Variants in SLC12A1 observed in about 807,000 individuals in gnomAD.
SLC12A1 encodes solute carrier family 12 member 1, also known as Na-K-2Cl cotransporter.
SLC12A1 carries 89 observed loss-of-function variants against 130.4 expected under a neutral mutation model. The observed-to-expected ratio is 0.68, with a 90% CI of 0.58 to 0.81. SLC12A1 has a LOEUF of 0.81. Among genes scored for constraint, SLC12A1 ranks in the 40% least tolerant of loss-of-function variants. The probability of loss-of-function intolerance (pLI) is 0.00; values close to 1 mark genes in which losing one functional copy is unlikely to be tolerated. For missense variants in SLC12A1, 1,310 were observed against 1,336.4 expected (o/e 0.98, Z 0.31); for synonymous variants, 499 against 460.0 (o/e 1.08, Z -1.09).
intron 2 of SLC12A1, among the ~76,000 whole-genome samples, chr15:48,219,739 T>C (rs1352861103): frequency 4.0e-5 from 6 of 151,860 alleles, no homozygotes; most frequent in Non-Finnish European, 8.8e-5. Flanking sequence ...TGTAGAGAAG[T>C]TTTATCATCA....
intron 23 of SLC12A1, among the ~76,000 whole-genome samples, chr15:48,291,366 CTTA>C (rs1455218078): frequency 6.6e-6 from 1 of 151,250 alleles, no homozygotes; most frequent in Non-Finnish European, 1.5e-5. Flanking sequence ...AATTTATCAT[CTTA>C]TGATATATTG....
At chr15:48,268,154 A>C (rs2041854014) in intron 18 of SLC12A1, among the ~76,000 whole-genome samples, 1 of 152,162 alleles carries the variant, frequency 6.6e-6, no homozygotes, top group South Asian at 2.1e-4. Flanking sequence ...CTGGGCATAA[A>C]ATCTCCCTAT....
At position 48,249,591 on chromosome 15, in the gene SLC12A1, T is replaced by C. The variant is rs764380217; in HGVS notation, c.1701T>C (p.Ile567=). The stretch of plus-strand genomic sequence containing the variant: ...CTTTTACAGCGGAACTGAACACCAT[T>C]GCTCCCATCATCTCCAACTTTTTCC... ...AFILIAELNT[I]APIISNFFLA... The change falls in exon 14 of 27, where the codon ATT becomes ATC. Residue 567 remains isoleucine, a synonymous_variant. Transcript: ENST00000380993. The C allele has an allele frequency of 1.2e-6, 2 of 1,613,842 alleles. No individual in the cohort carries two copies. The highest frequency in any genetic ancestry group is 1.1e-5 in the South Asian group (1 of 91,074).
At chr15:48,240,027 A>C (rs1386358440) in intron 9 of SLC12A1, among the ~76,000 whole-genome samples, 10 of 36,694 alleles carry the variant, frequency 2.7e-4, no homozygotes, top group Non-Finnish European at 6.8e-4. Context: ...ATATATATAT[A>C]TCCATATATA....
At chr15:48,259,153 C>G in intron 16 of SLC12A1, 47 bp from the exon 17 acceptor site, 3 of 1,230,760 alleles carry the variant, frequency 2.4e-6, no homozygotes, top group Non-Finnish European at 3.6e-6. Context: ...TCTAAGGTTA[C>G]AGGCTTCTTG....
intron 26 of SLC12A1, 127 bp downstream of exon 26, chr15:48,301,509 G>GGGT: frequency 2.0e-6 from 1 of 506,962 alleles, no homozygotes. Context: ...TTTTGGGGGG[G>GGGT]GGAACACGTG....
intron 23 of SLC12A1, among the ~76,000 whole-genome samples, chr15:48,291,264 G>A (rs1392096901): frequency 5.4e-5 from 8 of 148,874 alleles, no homozygotes; most frequent in African/African-American, 9.9e-5. Flanking sequence ...ATATATATAT[G>A]TGAGGTTTTA....
At chr15:48,253,864 T>C (rs1053045639) in intron 15 of SLC12A1, among the ~76,000 whole-genome samples, 2 of 152,372 alleles carry the variant, frequency 1.3e-5, no homozygotes, top group African/African-American at 4.8e-5. Flanking sequence ...CTAATAGATG[T>C]GTAGTGCCAC....
chr15:48,248,599 CATCATTTGCATCAT>C lies in SLC12A1; in HGVS notation c.1685-975_1685-962del, dbSNP rs1330778779. ...CCAGCTGCCTGCATTTGCATCATTG[CATCATTTGCATCAT>C]TGCATCATTTGCATCATTGAGGGTG... On this transcript the variant is annotated intron_variant, in intron 13 of 26. Coordinates refer to ENST00000380993, the MANE Select transcript of SLC12A1 (RefSeq NM_000338.3). 8.5e-5 allele frequency among the ~76,000 whole-genome samples: 13 copies of C among 152,240 alleles called. No individual in the cohort carries two copies. The South Asian group carries it at 2.5e-3, about 29-fold the overall frequency.
chr15:48,282,231 T>C (rs1268309559), intron 20 of SLC12A1, among the ~76,000 whole-genome samples: 1 of 152,208 alleles, frequency 6.6e-6, no homozygotes, highest in Non-Finnish European at 1.5e-5. Context: ...TCTGTCTCTA[T>C]CATCTTTGAG....
intron 4 of SLC12A1, among the ~76,000 whole-genome samples, chr15:48,221,880 T>G (rs1291286816): frequency 2.0e-5 from 3 of 152,222 alleles, no homozygotes; most frequent in Non-Finnish European, 2.9e-5. Context: ...AGAAGGTATC[T>G]CAATTCACAT....
At chr15:48,301,787 GT>G (rs1456699299) in intron 26 of SLC12A1, among the ~76,000 whole-genome samples, 1 of 152,148 alleles carries the variant, frequency 6.6e-6, no homozygotes, top group Non-Finnish European at 1.5e-5. Flanking sequence ...GAGGCTCCCT[GT>G]ACTGTAGGAA....
chr15:48,295,029 A>G (rs2141123584), intron 24 of SLC12A1, among the ~76,000 whole-genome samples: 1 of 151,280 alleles, frequency 6.6e-6, no homozygotes, highest in East Asian at 1.9e-4. Flanking sequence ...CTCCTGCCTC[A>G]GCCTCTTGAG....
chr15:48,291,594 G>T (rs1415173596), intron 23 of SLC12A1, among the ~76,000 whole-genome samples, 184 bp from the exon 24 acceptor site: 1 of 152,108 alleles, frequency 6.6e-6, no homozygotes, highest in Non-Finnish European at 1.5e-5. Flanking sequence ...AAATAGCTTG[G>T]TCCACACTTA....
At chr15:48,298,418 C>A (rs192405614) in intron 24 of SLC12A1, among the ~76,000 whole-genome samples, 1 of 152,218 alleles carries the variant, frequency 6.6e-6, no homozygotes, top group South Asian at 2.1e-4. Flanking sequence ...TCAGCGATTT[C>A]TTTTTAAATG....
Position 48,234,950 on chromosome 15 carries a change from T to C in SLC12A1, c.1161T>C (p.Phe387=), listed in dbSNP as rs769806467. Residue 387 remains phenylalanine (F), a synonymous_variant, in exon 9 of 27, where the codon TTT becomes TTC. Transcript: ENST00000380993. The part of the protein sequence containing the change: ...GEGFFSVFAI[F]FPAATGILAG... ...GCTTCTTCTCTGTCTTTGCCATTTT[T>C]TTCCCAGCAGCTACTGGGATTCTTG... The C allele has an allele frequency of 3.7e-5, 59 of 1,613,782 alleles. No homozygotes were observed. The highest frequency in any genetic ancestry group is 4.8e-5 in the Non-Finnish European group (57 of 1,179,818).
intron 9 of SLC12A1, among the ~76,000 whole-genome samples, chr15:48,238,386 T>C (rs2041463422): frequency 6.6e-6 from 1 of 152,046 alleles, no homozygotes; most frequent in Non-Finnish European, 1.5e-5. Flanking sequence ...TGCAGGTATG[T>C]GCAAAAGGGA....
At chr15:48,259,453 G>A in intron 17 of SLC12A1, 142 bp downstream of exon 17, 1 of 669,640 alleles carries the variant, frequency 1.5e-6, no homozygotes, top group South Asian at 1.7e-5. Flanking sequence ...TTGATTCATA[G>A]AGCAAGGACA....
At chr15:48,274,185 G>C (rs2041926963) in intron 19 of SLC12A1, among the ~76,000 whole-genome samples, 1 of 152,142 alleles carries the variant, frequency 6.6e-6, no homozygotes, top group Admixed American at 6.5e-5. Context: ...GGCCAGGTTG[G>C]GGGTGGTGGC....
Sources: allele counts gnomAD v4.1 joint callset (sites outside exome capture counted in the v4.1 genomes callset), GRCh38; gene constraint gnomAD v4.1.1; transcripts MANE v1.5; gene names NCBI Gene and HGNC (gene_info 2026-07-23, HGNC 2026-07-21).